Variants in PLPP3 observed in about 807,000 individuals in gnomAD.
PLPP3 encodes PAP2 beta.
PLPP3 carries 6 observed loss-of-function variants against 29.6 expected under a neutral mutation model. The ratio of observed to expected loss-of-function variants is 0.20; its 90% CI spans 0.11 to 0.40. The LOEUF is 0.40. PLPP3 is among the 10% of genes least tolerant of loss of function. The probability of loss-of-function intolerance (pLI) is 1.00; values close to 1 mark genes in which losing one functional copy is unlikely to be tolerated. For synonymous variants in PLPP3, 152 were observed against 159.7 expected (o/e 0.95, Z 0.36); for missense variants, 308 against 407.7 (o/e 0.76, Z 2.11).
intron 1 of PLPP3, among the ~76,000 whole-genome samples, chr1:56,539,821 A>G (rs988562833): frequency 6.6e-6 from 1 of 152,206 alleles, no homozygotes; most frequent in African/African-American, 2.4e-5. Context: ...GTAGCTGAGA[A>G]GCCAGCAGTA....
At chr1:56,507,148 C>A (rs747385052) in intron 5 of PLPP3, among the ~76,000 whole-genome samples, 1 of 152,204 alleles carries the variant, frequency 6.6e-6, no homozygotes, top group South Asian at 2.1e-4. Context: ...CTACCCTCAA[C>A]AGACCCAGGT....
At chr1:56,539,371 T>C (rs1645952604) in intron 1 of PLPP3, among the ~76,000 whole-genome samples, 1 of 152,242 alleles carries the variant, frequency 6.6e-6, no homozygotes, top group African/African-American at 2.4e-5. Flanking sequence ...CCAGCAGTGA[T>C]AAAAATGCTC....
chr1:56,572,640 T>C (rs1646207298), intron 1 of PLPP3, among the ~76,000 whole-genome samples: 1 of 152,182 alleles, frequency 6.6e-6, no homozygotes, highest in Admixed American at 6.5e-5. Flanking sequence ...CTTGGTGTTT[T>C]CTTGGGATTC....
rs541980550 is a variant in PLPP3, at chr1:56,560,830, T to C, written c.139+18048A>G. ...GGGGTTTTCCTCTCCCCATTCAGAG[T>C]CCTTTTTTTTTTTTTTTTTTTTTTT... On this transcript the variant is annotated intron_variant, in intron 1 of 5. Transcript: ENST00000371250. Among the ~76,000 whole-genome samples, 21 of 139,188 alleles carry C rather than the reference T, an allele frequency of 1.5e-4. No homozygotes were observed. The South Asian group carries it at 4.9e-3, about 32-fold the overall frequency. The allele number at this position is 139,188 out of a possible 152,430, so 91.3% of individuals were successfully genotyped here.
At chr1:56,518,937 A>G (rs1036238280) in intron 4 of PLPP3, among the ~76,000 whole-genome samples, 5 of 151,826 alleles carry the variant, frequency 3.3e-5, no homozygotes, top group Admixed American at 2.0e-4. Flanking sequence ...AAAGGGGCAT[A>G]GGGAGAACAG....
chr1:56,536,900 G>A, intron 2 of PLPP3, 55 bp downstream of exon 2: 1 of 1,594,146 alleles, frequency 6.3e-7, no homozygotes, highest in Non-Finnish European at 8.6e-7. Flanking sequence ...TCTATAATAT[G>A]ACAATACAGG....
At chr1:56,542,152 T>C (rs1645974911) in intron 1 of PLPP3, among the ~76,000 whole-genome samples, 2 of 152,220 alleles carry the variant, frequency 1.3e-5, no homozygotes, top group Admixed American at 1.3e-4. Flanking sequence ...AATCAAAGCA[T>C]GAAGAAAGGC....
At position 56,524,171 on chromosome 1, in the gene PLPP3, T is replaced by C. The variant is rs1003964260; in HGVS notation, c.575+106A>G. On this transcript the variant is annotated intron_variant, in intron 3 of 5. Coordinates refer to ENST00000371250, the MANE Select transcript of PLPP3 (RefSeq NM_003713.5). This position sits in a 1 kb window ranked among gnomAD's most constrained non-coding sequence, Gnocchi z 4.3. ...CTGTGAGTTCCTCAAGAATAGGAAC[T>C]ATGCCTTATTCACCCATCTAAACCA... 7.6e-5 allele frequency: 103 copies of C among 1,359,524 alleles called. No homozygotes were observed. The Middle Eastern group carries it at 1.1e-3, about 14-fold the overall frequency. The allele number at this position is 1,359,524 out of a possible 1,614,324, so 84.2% of individuals were successfully genotyped here.
intron 1 of PLPP3, among the ~76,000 whole-genome samples, chr1:56,553,558 C>A (rs552251279): frequency 1.3e-5 from 2 of 152,330 alleles, no homozygotes; most frequent in South Asian, 2.1e-4. Context: ...TGCCTGCTCT[C>A]CAAGAGCATC....
intron 4 of PLPP3, among the ~76,000 whole-genome samples, chr1:56,515,461 T>A (rs1179604512): frequency 6.6e-6 from 1 of 152,146 alleles, no homozygotes; most frequent in African/African-American, 2.4e-5. Context: ...CCCCTTCCCC[T>A]GATTCAGATA....
chr1:56,569,218 G>A (rs1390593655), intron 1 of PLPP3, among the ~76,000 whole-genome samples: 5 of 151,250 alleles, frequency 3.3e-5, no homozygotes, highest in Non-Finnish European at 4.4e-5. Context: ...ACTGTCACCC[G>A]GGCTGGAGTG....
chr1:56,504,777 C>T (rs749764837), intron 5 of PLPP3, among the ~76,000 whole-genome samples: 24 of 152,126 alleles, frequency 1.6e-4, no homozygotes, highest in Non-Finnish European at 2.9e-4. Context: ...AGTCTTCCAA[C>T]ACCCTCAAGA....
rs761724959 is a variant in PLPP3, at chr1:56,524,604, AC to A, written c.298-51del. ...TAGGCAGTATCAAGATTCATCATCA[AC>A]ACTGATGCCGTAACGGATATTCAAC... On this transcript the variant is annotated intron_variant, in intron 2 of 5. Coordinates refer to ENST00000371250, the MANE Select transcript of PLPP3 (RefSeq NM_003713.5). This position sits in a 1 kb window ranked among gnomAD's most constrained non-coding sequence, Gnocchi z 4.3. 1 of 1,564,728 alleles carries A rather than the reference AC, an allele frequency of 6.4e-7. No individual in the cohort carries two copies. Among genetic ancestry groups the A allele is most frequent in the African/African-American group, 1.4e-5 (1 of 73,908 alleles).
intron 4 of PLPP3, among the ~76,000 whole-genome samples, chr1:56,513,976 G>T (rs897319535): frequency 6.6e-6 from 1 of 151,750 alleles, no homozygotes; most frequent in Non-Finnish European, 1.5e-5. Flanking sequence ...ATCCGAAAAA[G>T]ATGTGGGGAA....
chr1:56,501,531 T>C (rs1192326218), intron 5 of PLPP3, among the ~76,000 whole-genome samples: 2 of 152,124 alleles, frequency 1.3e-5, no homozygotes, highest in East Asian at 3.9e-4. Flanking sequence ...CCCCAGCCCC[T>C]GGTAACCATC....
chr1:56,520,417 C>T (rs978793746), intron 4 of PLPP3, among the ~76,000 whole-genome samples: 1 of 152,112 alleles, frequency 6.6e-6, no homozygotes, highest in African/African-American at 2.4e-5. Context: ...ACTGGGTACA[C>T]CGGGGAGTCC....
intron 1 of PLPP3, 50 bp from the exon 2 acceptor site, chr1:56,537,162 G>T (rs753188621): frequency 5.1e-6 from 8 of 1,574,808 alleles, no homozygotes; most frequent in Non-Finnish European, 6.9e-6. Flanking sequence ...AGAAAAAAAG[G>T]AAGGGGAAAA....
intron 4 of PLPP3, among the ~76,000 whole-genome samples, chr1:56,521,234 C>CAAAA (rs765448174): frequency 2.0e-4 from 11 of 54,718 alleles, no homozygotes; most frequent in African/African-American, 3.4e-4. Flanking sequence ...GACTCTGTCT[C>CAAAA]AAAAAAAAAA....
Position 56,511,960 on chromosome 1 carries a change from A to G in PLPP3, c.810+16T>C, listed in dbSNP as rs1409868912. The stretch of plus-strand genomic sequence containing the variant: ...CCAGGGCTCCACTTGCATATTGAGG[A>G]CAAGATGCTACTTACTATGCAGCAG... On this transcript the variant is annotated intron_variant, in intron 5 of 5. Transcript: ENST00000371250. 1 of 1,612,786 alleles carries G rather than the reference A, an allele frequency of 6.2e-7. No individual in the cohort carries two copies. The highest frequency in any genetic ancestry group is 2.2e-5 in the East Asian group (1 of 44,782).
Sources: allele counts gnomAD v4.1 joint callset (sites outside exome capture counted in the v4.1 genomes callset), GRCh38; gene constraint gnomAD v4.1.1; non-coding constraint Gnocchi (gnomAD v3.1); transcripts MANE v1.5; gene names NCBI Gene and HGNC (gene_info 2026-07-23, HGNC 2026-07-21).